ZNF573: variants seen among roughly 807,000 people sequenced by gnomAD.
The protein encoded by ZNF573 is zinc finger protein 573.
A neutral mutation model predicts 57.4 loss-of-function variants in ZNF573; 41 were observed. The ratio of observed to expected loss-of-function variants is 0.71; its 90% CI spans 0.56 to 0.93. The LOEUF (loss-of-function observed/expected upper bound fraction) is 0.93, where lower values mean the gene tolerates loss of function less well. Among genes scored for constraint, ZNF573 ranks in the 40% least tolerant of loss-of-function variants. ZNF573 has a pLI of 0.00. For missense variants in ZNF573, 730 were observed against 794.8 expected (o/e 0.92, Z 0.98); for synonymous variants, 249 against 261.0 (o/e 0.95, Z 0.44).
chr19:37,749,402 T>A (rs2045412859), intron 4 of ZNF573, among the ~76,000 whole-genome samples: 1 of 152,022 alleles, frequency 6.6e-6, no homozygotes, highest in Non-Finnish European at 1.5e-5. Flanking sequence ...AACCCAGAAT[T>A]TAAGGAGATA....
Position 37,772,981 on chromosome 19 carries a change from T to G in ZNF573, c.69+680A>C, listed in dbSNP as rs1363366902. The G allele has an allele frequency of 4.1e-6, 4 of 984,716 alleles. No individual in the cohort carries two copies. In the Admixed American group the frequency reaches 2.5e-4, roughly 61 times the overall value. The allele number at this position is 984,716 out of a possible 1,614,324, so 61.0% of individuals were successfully genotyped here. A position where few individuals can be genotyped will look rare whatever the true frequency, so the allele number is the denominator to read the frequency against. ...ACAGAACTTCAAAGGTCTTCCCCAG[T>G]TCTGGAAATCAACATATTTACTCCT... is the stretch of plus-strand genomic sequence containing the variant. On this transcript the variant is annotated intron_variant, in intron 2 of 4. Transcript: ENST00000536220.
At position 37,739,066 on chromosome 19, in the gene ZNF573, C is replaced by T. The variant is rs141819433; in HGVS notation, c.1424G>A (p.Cys475Tyr). ...TGKKLFECQE[C>Y]GKAYSTGSNL... ...TGAGCCAGTACTATAGGCCTTCCCA[C>T]ATTCCTGACATTCAAAAAGTTTCTT... Residue 475 changes from cysteine (C) to tyrosine (Y), a missense_variant, in exon 5 of 5, where the codon TGT (cysteine) becomes TAT (tyrosine). Physicochemically the swap from Cys to Tyr is radical, Grantham distance 194. Transcript: ENST00000536220. 33 of 1,612,908 alleles carry T rather than the reference C, an allele frequency of 2.0e-5. No individual in the cohort carries two copies. The highest frequency in any genetic ancestry group is 1.4e-4 in the South Asian group (13 of 90,746).
chr19:37,750,170 C>T (rs1201377051), intron 4 of ZNF573, among the ~76,000 whole-genome samples: 1 of 151,840 alleles, frequency 6.6e-6, no homozygotes, highest in African/African-American at 2.4e-5. Context: ...ACAACCTCCG[C>T]CTCCTGGGTT....
At chr19:37,765,917 G>A (rs144938686) in intron 4 of ZNF573, among the ~76,000 whole-genome samples, 3 of 151,970 alleles carry the variant, frequency 2.0e-5, no homozygotes, top group African/African-American at 7.2e-5. Context: ...GTGCATGCCT[G>A]TAATCCCAGC....
chr19:37,767,679 T>C (rs2045615115), intron 4 of ZNF573, among the ~76,000 whole-genome samples: 1 of 152,198 alleles, frequency 6.6e-6, no homozygotes, highest in Non-Finnish European at 1.5e-5. Context: ...AGCTCTGGAC[T>C]CAGATACATA....
At chr19:37,760,924 G>A (rs563580046) in intron 4 of ZNF573, among the ~76,000 whole-genome samples, 85 of 152,184 alleles carry the variant, frequency 5.6e-4, no homozygotes, top group Admixed American at 1.0e-3. Flanking sequence ...CAGGCCGGGC[G>A]CAGTGGCTCA....
chr19:37,771,503 T>C (rs2045658535), intron 3 of ZNF573, 61 bp downstream of exon 3: 1 of 1,549,764 alleles, frequency 6.5e-7, no homozygotes, highest in East Asian at 2.4e-5. Flanking sequence ...TGAAATTCAT[T>C]GTGTTGAAAG....
intron 4 of ZNF573, among the ~76,000 whole-genome samples, chr19:37,769,033 C>T (rs2145325677): frequency 6.6e-6 from 1 of 151,650 alleles, no homozygotes; most frequent in Middle Eastern, 3.4e-3. Context: ...GGCGTGATCT[C>T]GGCTCACTGC....
At chr19:37,753,476 A>T (rs2045458253) in intron 4 of ZNF573, among the ~76,000 whole-genome samples, 1 of 151,586 alleles carries the variant, frequency 6.6e-6, no homozygotes. Flanking sequence ...ATCACAGTAA[A>T]TTTTTTTTTA....
intron 1 of ZNF573, 113 bp from the exon 2 acceptor site, chr19:37,773,864 A>C (rs2045681989): frequency 1.6e-6 from 1 of 631,990 alleles, no homozygotes; most frequent in African/African-American, 1.8e-5. Flanking sequence ...CATATAACTT[A>C]GGGAAAAACA....
chr19:37,779,459 G>T (rs966277712), intron 1 of ZNF573, 85 bp downstream of exon 1: 1 of 152,314 alleles, frequency 6.6e-6, no homozygotes, highest in Non-Finnish European at 1.5e-5. Context: ...GCTGGTTTAG[G>T]TTGGGCTCCA....
chr19:37,745,514 G>A (rs528745675), intron 4 of ZNF573, among the ~76,000 whole-genome samples: 7 of 152,244 alleles, frequency 4.6e-5, no homozygotes, highest in South Asian at 4.1e-4. Context: ...TACTGCCTCA[G>A]CCTCTGGAGT....
Position 37,738,676 on chromosome 19 carries a change from G to A in ZNF573, c.1814C>T (p.Thr605Ile), listed in dbSNP as rs766671021. The A allele has an allele frequency of 1.2e-6, 2 of 1,611,798 alleles. No individual in the cohort carries two copies. The highest frequency in any genetic ancestry group is 1.7e-6 in the Non-Finnish European group (2 of 1,179,156). Reference sequence around the variant, plus strand: ...TTTACATTCATAAGGTTTTCCACCAGTATGAATTTTCTGATGTTGGGTAAG... The same window carrying A: ...TTTACATTCATAAGGTTTTCCACCAATATGAATTTTCTGATGTTGGGTAAG... ...GYLTQHQKIHTGGKPYECKEC... is the reference protein window; with the variant it reads ...GYLTQHQKIHIGGKPYECKEC... Residue 605 changes from threonine (T) to isoleucine (I), a missense_variant, in exon 5 of 5, where the codon ACT becomes ATT. Physicochemically the swap from Thr to Ile is moderately conservative, Grantham distance 89 (BLOSUM62 -1). Coordinates refer to ENST00000536220, the MANE Select transcript of ZNF573 (RefSeq NM_001172690.2).
chr19:37,758,249 ATATATATATATATAT>A, intron 4 of ZNF573, among the ~76,000 whole-genome samples: 1 of 94,934 alleles, frequency 1.1e-5, no homozygotes, highest in Non-Finnish European at 2.0e-5. Context: ...ATATATATAT[ATATATATATATATAT>A]AAAATTACCC....
At chr19:37,755,650 A>C (rs1244841028) in intron 4 of ZNF573, among the ~76,000 whole-genome samples, 1 of 152,200 alleles carries the variant, frequency 6.6e-6, no homozygotes, top group Admixed American at 6.5e-5. Flanking sequence ...CTCAAAGCAA[A>C]ATCTATGGCC....
In ZNF573 at chr19:37,740,125, GT is replaced by G; in HGVS notation, c.364del (p.Thr122HisfsTer84). ...TCTCTTATATATGCTCTGAAGTTGT[GT>G]AGAGGATATATCTGTTTCATAAGTG... ...VPTYETDISS[T>X]QLQSIYKREK... is the part of the protein sequence containing the mutation. On this transcript the variant is annotated frameshift_variant, in exon 5 of 5. Transcript: ENST00000536220. LOFTEE classifies it high-confidence loss of function. 1 of 1,613,358 alleles carries G rather than the reference GT, an allele frequency of 6.2e-7. No homozygotes were observed. Among genetic ancestry groups the G allele is most frequent in the Non-Finnish European group, 8.5e-7 (1 of 1,179,544 alleles).
At chr19:37,767,933 C>T (rs1171398006) in intron 4 of ZNF573, among the ~76,000 whole-genome samples, 1 of 152,116 alleles carries the variant, frequency 6.6e-6, no homozygotes, top group African/African-American at 2.4e-5. Flanking sequence ...ATAGTGGTTA[C>T]ACTTAGCAGG....
chr19:37,743,973 C>T (rs963743090), intron 4 of ZNF573, among the ~76,000 whole-genome samples: 8 of 152,070 alleles, frequency 5.3e-5, no homozygotes, highest in East Asian at 1.9e-4. Context: ...GAATAACACA[C>T]CAGGGCCTGT....
At chr19:37,773,495 C>CA (rs1421162745) in intron 2 of ZNF573, among the ~76,000 whole-genome samples, 166 bp downstream of exon 2, 1 of 152,136 alleles carries the variant, frequency 6.6e-6, no homozygotes, top group Admixed American at 6.5e-5. Flanking sequence ...AGAAAATACT[C>CA]ATAGGGAGAA....
Sources: gnomAD v4.1 joint callset for allele counts (sites outside exome capture counted in the v4.1 genomes callset) on GRCh38, gnomAD v4.1.1 for gene constraint, MANE v1.5 for transcripts, NCBI Gene and HGNC (gene_info 2026-07-23, HGNC 2026-07-21) for gene names.